Variants in TUBGCP3 observed in about 807,000 individuals in gnomAD.
The protein encoded by TUBGCP3 is gamma-tubulin complex component 3.
Under a neutral mutation model 123.1 loss-of-function variants are expected in TUBGCP3, and 50 were observed. The observed-to-expected ratio is 0.41, with a 90% CI of 0.32 to 0.51. The LOEUF (loss-of-function observed/expected upper bound fraction) is 0.51. TUBGCP3 is among the 20% of genes least tolerant of loss of function. The pLI, the probability that TUBGCP3 is intolerant of heterozygous loss-of-function variation, is 0.36. For missense variants in TUBGCP3, 882 were observed against 1,127.0 expected, an observed-to-expected ratio of 0.78 and a Z score of 3.11; for synonymous variants, 405 against 413.9, an observed-to-expected ratio of 0.98 and a Z score of 0.26.
In TUBGCP3 at chr13:112,485,996, C is replaced by T. The variant is rs368588007; in HGVS notation, c.2721G>A (p.Thr907=). Residue 907 remains threonine (T), a synonymous_variant, in exon 22 of 22, where the codon ACG becomes ACA. Transcript: ENST00000261965. ...LGTRGRRSSH[T] ...CTCCCTGGGAGGACCGCGAGCTTCA[C>T]GTGTGGGAGCTGCGCCGCCCCCTGG... 1.7e-4 allele frequency: 277 copies of T among 1,594,960 alleles called. 1 individual carries two copies. Among genetic ancestry groups the T allele is most frequent in the Non-Finnish European group, 2.1e-4 (247 of 1,166,206 alleles).
At chr13:112,536,117 C>A (rs1196291075) in intron 11 of TUBGCP3, among the ~76,000 whole-genome samples, 1 of 152,232 alleles carries the variant, frequency 6.6e-6, no homozygotes, top group South Asian at 2.1e-4. Context: ...ACCCAGAGGT[C>A]TATCATTATG....
intron 17 of TUBGCP3, among the ~76,000 whole-genome samples, chr13:112,507,021 C>T (rs143605799): frequency 2.8e-3 from 425 of 152,308 alleles, no homozygotes; most frequent in African/African-American, 9.6e-3. Flanking sequence ...TACAGGTGCA[C>T]AGAGTGTACA....
intron 1 of TUBGCP3, chr13:112,583,956 C>T (rs1882437619): frequency 6.6e-6 from 1 of 152,168 alleles, no homozygotes; most frequent in African/African-American, 2.4e-5. Context: ...GATCAGAAGC[C>T]CTAGAGATGA....
chr13:112,553,830 G>A (rs1401630136), intron 8 of TUBGCP3, among the ~76,000 whole-genome samples: 2 of 152,176 alleles, frequency 1.3e-5, no homozygotes, highest in Admixed American at 6.5e-5. Context: ...CATTTTCTCT[G>A]TATTTTACAG....
intron 17 of TUBGCP3, among the ~76,000 whole-genome samples, chr13:112,507,554 T>C (rs1461389336): frequency 1.3e-5 from 2 of 152,170 alleles, no homozygotes; most frequent in African/African-American, 4.8e-5. Flanking sequence ...ACAAATTTTT[T>C]GTGGCTATTC....
upstream of TUBGCP3, among the ~76,000 whole-genome samples, chr13:112,591,581 C>T (rs1235417730): frequency 6.6e-6 from 1 of 152,238 alleles, no homozygotes; most frequent in East Asian, 1.9e-4. Flanking sequence ...TGTGGCCTTG[C>T]GCCCCTTTCT....
rs1878897814 is a variant in TUBGCP3, at chr13:112,545,326, T to A, written c.1335+373A>T. 1 of 217,592 alleles carries A rather than the reference T, an allele frequency of 4.6e-6. No homozygotes were observed. Among genetic ancestry groups the A allele is most frequent in the Non-Finnish European group, 9.5e-6 (1 of 105,492 alleles). The allele number at this position is 217,592 out of a possible 1,614,324, so 13.5% of individuals were successfully genotyped here. A position where few individuals can be genotyped will look rare whatever the true frequency, so the allele number is the denominator to read the frequency against. On this transcript the variant is annotated intron_variant, in intron 11 of 21. Coordinates refer to ENST00000261965, the MANE Select transcript of TUBGCP3 (RefSeq NM_006322.6). This position sits in a 1 kb window ranked among gnomAD's most constrained non-coding sequence, Gnocchi z 4.1. ...ACACAACTAACTTGTTTCATTAAGC[T>A]GTTAGCACCAAAGTGAGTTTGCAAA...
intron 20 of TUBGCP3, among the ~76,000 whole-genome samples, chr13:112,492,706 G>A (rs554559588): frequency 9.9e-5 from 15 of 151,504 alleles, no homozygotes; most frequent in African/African-American, 3.6e-4. Flanking sequence ...AGACACCCTG[G>A]CTATGGGAAT....
chr13:112,533,173 G>C (rs933203811), intron 11 of TUBGCP3, among the ~76,000 whole-genome samples: 1 of 152,240 alleles, frequency 6.6e-6, no homozygotes, highest in Non-Finnish European at 1.5e-5. Flanking sequence ...CCTGAGACTG[G>C]CAGGAGCCCA....
intron 11 of TUBGCP3, among the ~76,000 whole-genome samples, chr13:112,531,804 T>C (rs1566556075): frequency 6.6e-6 from 1 of 152,050 alleles, no homozygotes. Flanking sequence ...GTGAAAAATA[T>C]AGAGTTATAG....
the TUBGCP3 span, among the ~76,000 whole-genome samples, chr13:112,601,780 G>A: frequency 6.6e-6 from 1 of 152,174 alleles, no homozygotes; most frequent in Non-Finnish European, 1.5e-5. Context: ...TTTCATGACA[G>A]GATATTCCTT....
chr13:112,565,720 G>A (rs1880904048), intron 2 of TUBGCP3, among the ~76,000 whole-genome samples: 1 of 152,176 alleles, frequency 6.6e-6, no homozygotes. Context: ...GGATCACAAG[G>A]TCAGGAGATC....
chr13:112,561,245 C>T (rs1880494661), intron 3 of TUBGCP3, among the ~76,000 whole-genome samples: 1 of 152,142 alleles, frequency 6.6e-6, no homozygotes, highest in East Asian at 1.9e-4. Flanking sequence ...GGCATGTGTC[C>T]CCGGTGAGTC....
At chr13:112,595,444 G>A in the TUBGCP3 span, among the ~76,000 whole-genome samples, 899 of 152,176 alleles carry the variant, frequency 5.9e-3, 7 homozygotes, top group African/African-American at 0.02. Context: ...TGATCCACCC[G>A]TCTCGGCCTC....
At chr13:112,512,302 C>G (rs1881721609) in intron 17 of TUBGCP3, among the ~76,000 whole-genome samples, 1 of 151,826 alleles carries the variant, frequency 6.6e-6, no homozygotes, top group Non-Finnish European at 1.5e-5. Flanking sequence ...GGTGTACATG[C>G]CTGTAATCCC....
At chr13:112,547,829 A>T in intron 9 of TUBGCP3, 77 bp from the exon 10 acceptor site, 1 of 1,348,118 alleles carries the variant, frequency 7.4e-7, no homozygotes, top group Admixed American at 2.6e-5. Context: ...TATCAAGTGA[A>T]CATAAGAAAA....
chr13:112,555,416 C>T (rs113781978), intron 6 of TUBGCP3, among the ~76,000 whole-genome samples: 5 of 152,190 alleles, frequency 3.3e-5, no homozygotes, highest in East Asian at 3.9e-4. Context: ...AGAGCCATTT[C>T]GTAATCAGCA....
At chr13:112,566,873 A>ATGATGAC (rs540942251) in intron 2 of TUBGCP3, among the ~76,000 whole-genome samples, 50 of 152,362 alleles carry the variant, frequency 3.3e-4, no homozygotes, top group African/African-American at 1.2e-3. Flanking sequence ...TTTGTCACAC[A>ATGATGAC]TGATGACTTT....
At position 112,588,000 on chromosome 13, in the gene TUBGCP3, C is replaced by T; in HGVS notation, c.-20G>A. 6.7e-7 allele frequency: 1 copy of T among 1,503,366 alleles called. No individual in the cohort carries two copies. The highest frequency in any genetic ancestry group is 8.9e-7 in the Non-Finnish European group (1 of 1,125,248). The allele number at this position is 1,503,366 out of a possible 1,614,324, so 93.1% of individuals were successfully genotyped here. A position where few individuals can be genotyped will look rare whatever the true frequency, so the allele number is the denominator to read the frequency against. Reference sequence around the variant, plus strand: ...CGCCATCCTCGCCCGGAGCCGTGCACGGTGGTCCGGGCAGAGCCGCCACTG... The same window carrying T: ...CGCCATCCTCGCCCGGAGCCGTGCATGGTGGTCCGGGCAGAGCCGCCACTG... On this transcript the variant is annotated 5_prime_UTR_variant, in exon 1 of 22. In the 5' UTR this introduces an upstream ATG that the reference lacks. Transcript: ENST00000261965.
Sources: gnomAD v4.1 joint callset for allele counts (sites outside exome capture counted in the v4.1 genomes callset) on GRCh38, gnomAD v4.1.1 for gene constraint, Gnocchi (gnomAD v3.1) non-coding constraint, MANE v1.5 for transcripts, NCBI Gene and HGNC (gene_info 2026-07-23, HGNC 2026-07-21) for gene names.